SOX5: variants seen among roughly 807,000 people sequenced by gnomAD.
SOX5 encodes the protein SRY-box transcription factor 5, also known as transcription factor SOX-5.
SOX5 carries 9 observed loss-of-function variants against 92.0 expected under a neutral mutation model. The ratio of observed to expected loss-of-function variants is 0.10; its 90% confidence interval spans 0.06 to 0.17. The LOEUF (loss-of-function observed/expected upper bound fraction) is 0.17. Ranked by LOEUF, SOX5 falls within the 10% of genes least tolerant of loss-of-function variation. The probability of loss-of-function intolerance (pLI) is 1.00; values close to 1 mark genes in which losing one functional copy is unlikely to be tolerated. For synonymous variants in SOX5, 344 were observed against 336.3 expected, an observed-to-expected ratio of 1.02 and a Z score of -0.25; for missense variants, 642 against 944.5, an observed-to-expected ratio of 0.68 and a Z score of 4.20.
intron 4 of SOX5, among the ~76,000 whole-genome samples, chr12:24,211,819 G>A (rs1434291290): frequency 1.3e-5 from 2 of 152,188 alleles, no homozygotes; most frequent in Non-Finnish European, 2.9e-5. Flanking sequence ...TCTATGAGAT[G>A]TTTGTCCCTT....
At chr12:23,765,785 T>G (rs188668844) in intron 3 of SOX5, among the ~76,000 whole-genome samples, 8 of 152,248 alleles carry the variant, frequency 5.3e-5, no homozygotes, top group Non-Finnish European at 8.8e-5. Context: ...CACACAAACA[T>G]GCATGCTCAC....
chr12:24,174,914 T>C (rs1369260126), intron 4 of SOX5, among the ~76,000 whole-genome samples: 1 of 152,064 alleles, frequency 6.6e-6, no homozygotes, highest in Non-Finnish European at 1.5e-5. Context: ...AAAAGAAAAG[T>C]GCAGAAACAG....
intron 1 of SOX5, among the ~76,000 whole-genome samples, chr12:24,406,334 T>G (rs1962943913): frequency 6.6e-6 from 1 of 151,968 alleles, no homozygotes; most frequent in South Asian, 2.1e-4. Context: ...GCTGCGTGGG[T>G]CCATCGGAGG....
intron 10 of SOX5, among the ~76,000 whole-genome samples, chr12:23,572,376 T>G (rs1948506233): frequency 6.6e-6 from 1 of 152,178 alleles, no homozygotes; most frequent in East Asian, 1.9e-4. Context: ...CTGCATTTGT[T>G]GAAAAGAGAA....
intron 7 of SOX5, among the ~76,000 whole-genome samples, chr12:23,660,870 A>C (rs1001733964): frequency 4.1e-4 from 62 of 152,238 alleles, no homozygotes; most frequent in African/African-American, 1.5e-3. Context: ...CAAAGAACTT[A>C]TCTATGATAG....
chr12:23,887,054 T>C (rs2097075567), intron 2 of SOX5, among the ~76,000 whole-genome samples: 1 of 152,184 alleles, frequency 6.6e-6, no homozygotes. Flanking sequence ...AGAAATATAC[T>C]ATATAGTTTT....
intron 13 of SOX5, among the ~76,000 whole-genome samples, chr12:23,541,172 A>G (rs1941958450): frequency 6.6e-6 from 1 of 152,212 alleles, no homozygotes; most frequent in Non-Finnish European, 1.5e-5. Context: ...GGGAATTCTC[A>G]TAGCCAGTCA....
At chr12:24,529,975 A>C (rs1295217208) in intron 1 of SOX5, among the ~76,000 whole-genome samples, 2 of 141,324 alleles carry the variant, frequency 1.4e-5, no homozygotes, top group East Asian at 2.3e-4. Flanking sequence ...AGCTGAGATC[A>C]CGCCACTGCA....
intron 9 of SOX5, chr12:23,584,562 C>G: frequency 1.2e-6 from 2 of 1,610,612 alleles, no homozygotes. Context: ...TGCACAGCTC[C>G]TATGGCACAA....
intron 4 of SOX5, among the ~76,000 whole-genome samples, chr12:23,754,643 G>A (rs753681244): frequency 6.6e-5 from 10 of 151,796 alleles, no homozygotes; most frequent in Non-Finnish European, 1.3e-4. Context: ...TAGATATCCA[G>A]ATGTTCATGT....
At chr12:24,113,150 A>T (rs1947571544) in intron 4 of SOX5, among the ~76,000 whole-genome samples, 1 of 150,694 alleles carries the variant, frequency 6.6e-6, no homozygotes, top group Admixed American at 6.6e-5. Flanking sequence ...AAGAGGAATT[A>T]ATATATAATA....
At chr12:23,774,239 G>T (rs944858687) in intron 3 of SOX5, among the ~76,000 whole-genome samples, 1 of 152,114 alleles carries the variant, frequency 6.6e-6, no homozygotes, top group Non-Finnish European at 1.5e-5. Flanking sequence ...TTATTTATGG[G>T]TTTAAATATG....
chr12:24,535,818 C>A (rs1483544146), intron 1 of SOX5, among the ~76,000 whole-genome samples: 2 of 152,164 alleles, frequency 1.3e-5, no homozygotes, highest in Admixed American at 1.3e-4. Flanking sequence ...TAAAGCTATT[C>A]TGCCTCTGAA....
At chr12:24,048,530 T>C (rs1313767855) in intron 4 of SOX5, among the ~76,000 whole-genome samples, 1 of 152,146 alleles carries the variant, frequency 6.6e-6, no homozygotes, top group Non-Finnish European at 1.5e-5. Context: ...ACACAAAAAC[T>C]TGTACATAAA....
chr12:24,509,417 A>C (rs917025184), intron 1 of SOX5, among the ~76,000 whole-genome samples: 1 of 152,146 alleles, frequency 6.6e-6, no homozygotes, highest in Non-Finnish European at 1.5e-5. Flanking sequence ...TGAAGCTTCT[A>C]TGAACATAAA....
At chr12:23,810,268 G>C (rs189453094) in intron 3 of SOX5, among the ~76,000 whole-genome samples, 60 of 152,070 alleles carry the variant, frequency 3.9e-4, no homozygotes, top group African/African-American at 1.2e-3. Flanking sequence ...TGCAGCACAC[G>C]GTTTATTTAT....
rs190424361 is a variant in SOX5 at position 24,145,180 on chromosome 12, C to T, written c.-2+68163G>A. Among the ~76,000 whole-genome samples the T allele has an allele frequency of 4.7e-3, 718 of 152,096 alleles. 4 individuals are homozygous for T. The highest frequency in any genetic ancestry group is 6.3e-3 in the Non-Finnish European group (428 of 67,964). Reference sequence around the variant, plus strand: ...ATCGACTATAAATCCTAAAGCAATGCTATGACAACAAACAAGTAGTTCTAG... The same window carrying T: ...ATCGACTATAAATCCTAAAGCAATGTTATGACAACAAACAAGTAGTTCTAG... On this transcript the variant is annotated intron_variant, in intron 4 of 4. Coordinates refer to the SOX5 transcript ENST00000446891.
intron 4 of SOX5, among the ~76,000 whole-genome samples, chr12:23,971,644 T>A (rs1307073949): frequency 6.6e-6 from 1 of 151,790 alleles, no homozygotes; most frequent in Admixed American, 6.6e-5. Context: ...AATATGTATA[T>A]ATCATAGTTA....
intron 1 of SOX5, among the ~76,000 whole-genome samples, chr12:23,927,583 T>TAG (rs1213338875): frequency 2.0e-4 from 30 of 152,192 alleles, no homozygotes; most frequent in African/African-American, 7.0e-4. Flanking sequence ...GTTATTTCAA[T>TAG]TTTCCTGTTT....
Sources: gnomAD v4.1 joint callset for allele counts (sites outside exome capture counted in the v4.1 genomes callset) on GRCh38, gnomAD v4.1.1 for gene constraint, MANE v1.5 for transcripts, NCBI Gene and HGNC (gene_info 2026-07-23, HGNC 2026-07-21) for gene names.